Variants in MCC observed in about 807,000 individuals in gnomAD.
MCC encodes colorectal mutant cancer protein.
Under a neutral mutation model 116.2 loss-of-function variants are expected in MCC, and 90 were observed. The ratio of observed to expected loss-of-function variants is 0.77; its 90% CI spans 0.65 to 0.92. The LOEUF is 0.92. MCC is among the 40% of genes least tolerant of loss of function. MCC has a pLI of 0.00. For synonymous variants in MCC, 578 were observed against 510.5 expected (o/e 1.13, Z -1.78); for missense variants, 1,516 against 1,312.2 (o/e 1.16, Z -2.40).
chr5:113,216,669 T>C (rs547670233), intron 3 of MCC, among the ~76,000 whole-genome samples: 34 of 152,364 alleles, frequency 2.2e-4, no homozygotes, highest in African/African-American at 6.0e-4. Flanking sequence ...GGCTCAGCCA[T>C]AGTCCCTTGG....
At chr5:113,387,356 T>C (rs140367627) in intron 1 of MCC, among the ~76,000 whole-genome samples, 246 of 152,300 alleles carry the variant, frequency 1.6e-3, no homozygotes, top group African/African-American at 5.6e-3. Flanking sequence ...AAAGTAATAT[T>C]TTCATATAAT....
At chr5:113,163,762 T>C (rs947428165) in intron 3 of MCC, among the ~76,000 whole-genome samples, 5 of 152,120 alleles carry the variant, frequency 3.3e-5, no homozygotes, top group African/African-American at 1.2e-4. Flanking sequence ...TGAGATGATA[T>C]CACCTGCAAA....
chr5:113,268,392 A>G (rs776794681), intron 3 of MCC, among the ~76,000 whole-genome samples: 4 of 152,218 alleles, frequency 2.6e-5, no homozygotes, highest in Non-Finnish European at 5.9e-5. Flanking sequence ...TTCTGCTTAC[A>G]GAAAGGCCCT....
At chr5:113,212,999 T>C (rs577305311) in intron 3 of MCC, among the ~76,000 whole-genome samples, 2 of 152,368 alleles carry the variant, frequency 1.3e-5, no homozygotes, top group South Asian at 4.1e-4. Flanking sequence ...CAGCGTTCCT[T>C]CTTTCCCAAG....
At chr5:113,418,743 C>T (rs181755144) in intron 1 of MCC, among the ~76,000 whole-genome samples, 17 of 151,072 alleles carry the variant, frequency 1.1e-4, no homozygotes, top group Non-Finnish European at 1.8e-4. Context: ...AGCCATTTAG[C>T]AAAGTGAAAG....
At chr5:113,160,471 C>T (rs544883818) in intron 3 of MCC, among the ~76,000 whole-genome samples, 54 of 152,306 alleles carry the variant, frequency 3.5e-4, no homozygotes, top group African/African-American at 1.3e-3. Flanking sequence ...ATGGGTAGTG[C>T]TGTTATCTCC....
chr5:113,464,900 T>C (rs1182989435), intron 1 of MCC, among the ~76,000 whole-genome samples: 1 of 152,112 alleles, frequency 6.6e-6, no homozygotes, highest in Non-Finnish European at 1.5e-5. Flanking sequence ...TTGATTGTAT[T>C]AGGAAAACTT....
At chr5:113,433,131 G>A (rs1561568501) in intron 1 of MCC, 1 of 160,280 alleles carries the variant, frequency 6.2e-6, no homozygotes, top group African/African-American at 2.4e-5. Context: ...TATGTTTTGA[G>A]GCTTCTTTAA....
intron 3 of MCC, among the ~76,000 whole-genome samples, chr5:113,326,396 C>A (rs1439122050): frequency 6.6e-6 from 1 of 152,176 alleles, no homozygotes; most frequent in East Asian, 1.9e-4. Flanking sequence ...GCTGGGAAGT[C>A]CAAGATCAAG....
At chr5:113,046,939 G>A (rs770085029) in intron 16 of MCC, among the ~76,000 whole-genome samples, 7 of 151,866 alleles carry the variant, frequency 4.6e-5, no homozygotes, top group Admixed American at 1.3e-4. Context: ...GATTCCGCAC[G>A]GCCCTCAAGA....
At chr5:113,233,615 T>C (rs1435281752) in intron 3 of MCC, among the ~76,000 whole-genome samples, 2 of 152,182 alleles carry the variant, frequency 1.3e-5, no homozygotes, top group South Asian at 2.1e-4. Context: ...CTGGCACATA[T>C]GTGACTTCTC....
intron 2 of MCC, among the ~76,000 whole-genome samples, chr5:113,367,387 C>CAT (rs1768722095): frequency 1.4e-5 from 2 of 143,444 alleles, no homozygotes; most frequent in African/African-American, 2.6e-5. Flanking sequence ...TTAAGATGTA[C>CAT]ATATATTCCA....
At chr5:113,301,569 G>A (rs979540724) in intron 3 of MCC, among the ~76,000 whole-genome samples, 4 of 152,116 alleles carry the variant, frequency 2.6e-5, no homozygotes, top group African/African-American at 7.2e-5. Flanking sequence ...ATGCTATAAA[G>A]GAATTAAACA....
chr5:113,385,094 G>C lies in MCC; in HGVS notation c.289C>G (p.Arg97Gly), dbSNP rs1395877839. 1.2e-6 allele frequency: 2 copies of C among 1,614,098 alleles called. No individual in the cohort carries two copies. The highest frequency in any genetic ancestry group is 1.6e-4 in the Middle Eastern group (1 of 6,062). Reference sequence around the variant, plus strand: ...CTAATTTCTCGAACAAGCTGCATGCGGCATCTTGTGAAATCCTGAAAGGAA... The same window carrying C: ...CTAATTTCTCGAACAAGCTGCATGCCGCATCTTGTGAAATCCTGAAAGGAA... ...KISFQDFTRC[R>G]MQLVREIRKE... The change falls in exon 2 of 19, where the codon CGC becomes GGC. Residue 97 changes from arginine to glycine, a missense_variant. Arg to Gly is a moderately radical substitution (Grantham distance 125). Coordinates refer to ENST00000408903, the MANE Select transcript of MCC (RefSeq NM_001085377.2).
chr5:113,066,399 A>G (rs538112490), intron 13 of MCC, among the ~76,000 whole-genome samples: 58 of 152,324 alleles, frequency 3.8e-4, no homozygotes, highest in African/African-American at 1.3e-3. Flanking sequence ...ATAAAGTTTT[A>G]TGGTTCAGTT....
Position 113,104,248 on chromosome 5 carries a change from C to T in MCC, c.1135G>A (p.Asp379Asn), listed in dbSNP as rs1374483252. 2.5e-6 allele frequency: 4 copies of T among 1,614,020 alleles called. No individual in the cohort carries two copies. Among genetic ancestry groups the T allele is most frequent in the Non-Finnish European group, 3.4e-6 (4 of 1,179,996 alleles). The change falls in exon 7 of 19, where the codon GAC (aspartate) becomes AAC (asparagine). Residue 379 changes from aspartate (D) to asparagine (N), a missense_variant. Asp to Asn is a conservative substitution (Grantham distance 23). Transcript: ENST00000408903. ...GTGGTGAGCTGCTCAATGTGCTTGT[C>T]CACCTCGGCCACGGAGAGGCTGCAG... ...SSCSLSVAEV[D>N]KHIEQLTTAS... is the part of the protein sequence containing the mutation.
intron 2 of MCC, among the ~76,000 whole-genome samples, chr5:113,359,808 T>C (rs911947630): frequency 5.1e-5 from 4 of 78,618 alleles, no homozygotes; most frequent in Non-Finnish European, 7.3e-5. Context: ...AGAAGATAAA[T>C]AGAATGTTTG....
chr5:113,053,986 A>G, intron 14 of MCC, 27 bp from the exon 15 acceptor site: 1 of 1,527,812 alleles, frequency 6.5e-7, no homozygotes, highest in Non-Finnish European at 9.1e-7. Flanking sequence ...ACAAAGACCC[A>G]CCACCCTGTG....
chr5:113,266,160 A>T (rs1238399675), intron 3 of MCC, among the ~76,000 whole-genome samples: 1 of 152,062 alleles, frequency 6.6e-6, no homozygotes, highest in African/African-American at 2.4e-5. Flanking sequence ...AAATAACTAT[A>T]TTATTTTGGT....
Sources: gnomAD v4.1 joint callset for allele counts (sites outside exome capture counted in the v4.1 genomes callset) on GRCh38, gnomAD v4.1.1 for gene constraint, MANE v1.5 for transcripts, NCBI Gene and HGNC (gene_info 2026-07-23, HGNC 2026-07-21) for gene names.